The following GAB1 variants were observed in gnomAD, a reference collection of about 807,000 sequenced individuals.
GAB1 encodes the protein GRB2-associated-binding protein 1.
In GAB1, 19 loss-of-function variants were observed where a neutral mutation model predicts 66.5. That is an observed-to-expected ratio of 0.29 (90% CI 0.20 to 0.42). The LOEUF is 0.42. Among genes scored for constraint, GAB1 ranks in the 10% least tolerant of loss-of-function variants. The probability of loss-of-function intolerance (pLI) is 1.00; values close to 1 mark genes in which losing one functional copy is unlikely to be tolerated. For missense variants in GAB1, 732 were observed against 858.5 expected (o/e 0.85, Z 1.84); for synonymous variants, 294 against 301.4 (o/e 0.98, Z 0.25).
chr4:143,434,202 A>G, intron 3 of GAB1: 1 of 1,100,440 alleles, frequency 9.1e-7, no homozygotes, highest in African/African-American at 1.6e-5. Context: ...GATCTGTGTG[A>G]GAAATTAATC....
Position 143,466,210 on chromosome 4 carries a change from C to T in GAB1, c.1911C>T (p.Ser637=). 6.2e-7 allele frequency: 1 copy of T among 1,613,598 alleles called. No individual in the cohort carries two copies. Among genetic ancestry groups the T allele is most frequent in the South Asian group, 1.1e-5 (1 of 91,050 alleles). Residue 637 remains serine, a synonymous_variant, in exon 9 of 10, where the codon TCC becomes TCT. Coordinates refer to ENST00000262994, the MANE Select transcript of GAB1 (RefSeq NM_002039.4). ...ATCTCGACTTAGATTCTGGGAAATC[C>T]ACACCACCACGTAAGGTGAGTGACA... is the stretch of plus-strand genomic sequence containing the variant. ...YLDLDLDSGK[S]TPPRKQKSSG...
intron 1 of GAB1, among the ~76,000 whole-genome samples, chr4:143,351,665 C>T (rs1729232945): frequency 6.6e-6 from 1 of 152,168 alleles, no homozygotes; most frequent in African/African-American, 2.4e-5. Context: ...TCCCCACTTC[C>T]ATATCATTTA....
In GAB1 at chr4:143,336,893, G is replaced by C. The variant is rs1380832042; in HGVS notation, c.-296G>C. 1.4e-5 allele frequency: 6 copies of C among 434,714 alleles called. No homozygotes were observed. The highest frequency in any genetic ancestry group is 2.1e-5 in the African/African-American group (1 of 47,318). 26.9% of individuals were successfully genotyped at this position (434,714 alleles called of 1,614,324 possible). On this transcript the variant is annotated 5_prime_UTR_variant, in exon 1 of 10. Coordinates refer to ENST00000262994, the MANE Select transcript of GAB1 (RefSeq NM_002039.4). ...GTCGGGGCAGAGTCCCGCTGAGTCC[G>C]AGCGCTGCTGAGGCAGCTGGCGAGA...
intron 1 of GAB1, chr4:143,381,971 A>G (rs1487489551): frequency 1.3e-5 from 2 of 152,238 alleles, no homozygotes; most frequent in East Asian, 3.8e-4. Flanking sequence ...CTAGTCATGA[A>G]CAGGATGTTG....
chr4:143,382,844 G>A (rs1444499263), intron 1 of GAB1, among the ~76,000 whole-genome samples: 1 of 152,064 alleles, frequency 6.6e-6, no homozygotes, highest in Non-Finnish European at 1.5e-5. Context: ...GGGTGAGAGT[G>A]CAGAGAAAGT....
At chr4:143,399,241 G>A (rs924909812) in intron 1 of GAB1, among the ~76,000 whole-genome samples, 1 of 152,168 alleles carries the variant, frequency 6.6e-6, no homozygotes, top group African/African-American at 2.4e-5. Flanking sequence ...TAAATATTAA[G>A]AAAGCAATAT....
At chr4:143,446,146 G>A (rs1734511250) in intron 6 of GAB1, among the ~76,000 whole-genome samples, 1 of 151,776 alleles carries the variant, frequency 6.6e-6, no homozygotes, top group South Asian at 2.1e-4. Context: ...TGGCTGCATA[G>A]TATTCCATGG....
At chr4:143,424,962 G>GAA (rs35264549) in intron 2 of GAB1, 922 of 583,318 alleles carry the variant, frequency 1.6e-3, no homozygotes, top group Middle Eastern at 3.7e-3. Context: ...TTTAAAAAAA[G>GAA]AAAAAAAAAG....
At chr4:143,401,610 C>A (rs1356434416) in intron 1 of GAB1, among the ~76,000 whole-genome samples, 1 of 152,072 alleles carries the variant, frequency 6.6e-6, no homozygotes, top group Admixed American at 6.6e-5. Flanking sequence ...TCACCTTTCC[C>A]TCCGTAATTC....
intron 8 of GAB1, among the ~76,000 whole-genome samples, chr4:143,465,140 G>A (rs1766907438): frequency 6.6e-6 from 1 of 152,162 alleles, no homozygotes; most frequent in Admixed American, 6.5e-5. Flanking sequence ...ATGGAAACAA[G>A]TCACTTGTTT....
intron 1 of GAB1, chr4:143,396,111 G>A: frequency 2.5e-6 from 1 of 395,160 alleles, no homozygotes; most frequent in Non-Finnish European, 5.1e-6. Flanking sequence ...GGTGAAGAAA[G>A]GAGAATCCAC....
chr4:143,410,711 G>A (rs1211298412), intron 1 of GAB1, among the ~76,000 whole-genome samples: 1 of 152,200 alleles, frequency 6.6e-6, no homozygotes, highest in Non-Finnish European at 1.5e-5. Context: ...ACACCTCTAT[G>A]CTTGCCTGAC....
In GAB1 at chr4:143,460,474, C is replaced by G; in HGVS notation, c.1790C>G (p.Ser597Cys). Residue 597 changes from serine to cysteine, a missense_variant, in exon 8 of 10, where the codon TCC becomes TGC. Ser to Cys is a moderately radical substitution (Grantham distance 112, BLOSUM62 -1). Transcript: ENST00000262994. ...ENYVPMNPNL[S>C]SEDPNLFGSN... ...TATGTTCCCATGAACCCAAACCTGT[C>G]CAGTGAAGACCCAGTATGTAAAGTT... is the stretch of plus-strand genomic sequence containing the variant. 1 of 1,613,588 alleles carries G rather than the reference C, an allele frequency of 6.2e-7. No individual in the cohort carries two copies. The highest frequency in any genetic ancestry group is 8.5e-7 in the Non-Finnish European group (1 of 1,179,670).
intron 6 of GAB1, among the ~76,000 whole-genome samples, chr4:143,450,283 A>G (rs1734845883): frequency 6.6e-6 from 1 of 152,202 alleles, no homozygotes; most frequent in Admixed American, 6.5e-5. Flanking sequence ...ACAAATGATA[A>G]TGTGAATTAC....
chr4:143,380,077 C>T lies in GAB1; in HGVS notation c.73-35400C>T, dbSNP rs556178881. ...TCTTCCATTGAATTTCTAACGTGGA[C>T]CCTGGTTAAGTCTAAGAGATCATTT... On this transcript the variant is annotated intron_variant, in intron 1 of 9. Coordinates refer to ENST00000262994, the MANE Select transcript of GAB1 (RefSeq NM_002039.4). Among the ~76,000 whole-genome samples the T allele has an allele frequency of 2.7e-5, 4 of 149,668 alleles. No individual in the cohort carries two copies. In the Admixed American group the frequency reaches 2.7e-4, roughly 10 times the overall value.
At chr4:143,392,514 C>T (rs1467075129) in intron 1 of GAB1, among the ~76,000 whole-genome samples, 3 of 152,026 alleles carry the variant, frequency 2.0e-5, no homozygotes, top group Non-Finnish European at 4.4e-5. Context: ...AAACTTACTT[C>T]AAAAGTTTTG....
intron 1 of GAB1, among the ~76,000 whole-genome samples, chr4:143,389,914 A>G (rs959086291): frequency 6.6e-6 from 1 of 152,276 alleles, no homozygotes; most frequent in East Asian, 1.9e-4. Context: ...CCTTCAATAC[A>G]TGCCTCACTG....
chr4:143,436,667 G>GT (rs1733958427), intron 3 of GAB1, among the ~76,000 whole-genome samples: 2 of 152,186 alleles, frequency 1.3e-5, no homozygotes, highest in South Asian at 4.1e-4. Context: ...AGCTGATTGA[G>GT]TTTTAAGCCT....
chr4:143,418,686 C>CT (rs202207177), intron 2 of GAB1, among the ~76,000 whole-genome samples: 3,602 of 148,510 alleles, frequency 0.024, 153 homozygotes, highest in African/African-American at 0.083. Flanking sequence ...ACCTCTCTTA[C>CT]TTTTTTTTAC....
Sources: gnomAD v4.1 joint callset for allele counts (sites outside exome capture counted in the v4.1 genomes callset) on GRCh38, gnomAD v4.1.1 for gene constraint, MANE v1.5 for transcripts, NCBI Gene and HGNC (gene_info 2026-07-23, HGNC 2026-07-21) for gene names.